The following RBM33 variants were observed in gnomAD, a reference collection of about 807,000 sequenced individuals.
RBM33 encodes RNA-binding protein 33.
RBM33 carries 28 observed loss-of-function variants against 132.6 expected under a neutral mutation model. The ratio of observed to expected loss-of-function variants is 0.21; its 90% CI spans 0.16 to 0.29. The LOEUF (loss-of-function observed/expected upper bound fraction) is 0.29. RBM33 is among the 10% of genes least tolerant of loss of function. The pLI, the probability that RBM33 is intolerant of heterozygous loss-of-function variation, is 1.00. For missense variants in RBM33, 1,291 were observed against 1,518.5 expected, an observed-to-expected ratio of 0.85 and a Z score of 2.49; for synonymous variants, 634 against 593.0, an observed-to-expected ratio of 1.07 and a Z score of -1.01.
rs1421586760 is a variant in RBM33, at chr7:155,661,146, A to ATATATTTTTT, written c.44-4028_44-4027insATATTTTTTT. Reference sequence around the variant, plus strand: ...TGTGTGTGTGTATATATATATATATATTTTTTTTTTTTTGAGACAGAGTCT... The same window carrying ATATATTTTTT: ...TGTGTGTGTGTATATATATATATATATATATTTTTTTTTTTTTTTTTTTGAGACAGAGTCT... On this transcript the variant is annotated intron_variant, in intron 1 of 17. Coordinates refer to ENST00000401878, the MANE Select transcript of RBM33 (RefSeq NM_053043.3). 8.0e-3 allele frequency among the ~76,000 whole-genome samples: 651 copies of ATATATTTTTT among 81,060 alleles called. 26 individuals are homozygous for ATATATTTTTT. Among genetic ancestry groups the ATATATTTTTT allele is most frequent in the Non-Finnish European group, 0.012 (458 of 39,016 alleles). The allele number at this position is 81,060 out of a possible 152,430, so 53.2% of individuals were successfully genotyped here. A position where few individuals can be genotyped will look rare whatever the true frequency, so the allele number is the denominator to read the frequency against.
chr7:155,678,469 A>G (rs1799246836), intron 3 of RBM33, 139 bp from the exon 4 acceptor site: 3 of 567,990 alleles, frequency 5.3e-6, no homozygotes, highest in South Asian at 2.3e-5. Context: ...TTGATTATCC[A>G]CTGGTGACCA....
chr7:155,680,009 A>G (rs1271454095), intron 4 of RBM33, among the ~76,000 whole-genome samples: 2 of 152,330 alleles, frequency 1.3e-5, no homozygotes, highest in East Asian at 3.9e-4. Flanking sequence ...GATATTTGTG[A>G]CTAATATAAA....
At chr7:155,737,719 CCAAA>C (rs1801176858) in intron 10 of RBM33, 57 bp downstream of exon 10, 3 of 1,469,886 alleles carry the variant, frequency 2.0e-6, no homozygotes, top group African/African-American at 1.4e-5. Flanking sequence ...GGTGATGTGC[CCAAA>C]CACATTTATT....
rs770197939 is a variant in RBM33, at chr7:155,745,213, G to A, written c.2590G>A (p.Ala864Thr). 1 of 1,612,376 alleles carries A rather than the reference G, an allele frequency of 6.2e-7. No homozygotes were observed. Among genetic ancestry groups the A allele is most frequent in the East Asian group, 2.2e-5 (1 of 44,878 alleles). Residue 864 changes from alanine (A) to threonine (T), a missense_variant, in exon 14 of 18, where the codon GCA becomes ACA. Ala to Thr is a moderately conservative substitution (Grantham distance 58, BLOSUM62 0). Coordinates refer to ENST00000401878, the MANE Select transcript of RBM33 (RefSeq NM_053043.3). The surrounding 1 kb of genome is among the most constrained non-coding windows in gnomAD (Gnocchi z 4.1). ...TAACCCACTGTTGCCCTTTCCAGGT[G>A]CACAGGTCAGACAAAATGTGAAGAA... ...NGNPLLPFPG[A>T]QVRQNVKNRL...
chr7:155,645,151 T>C, intron 1 of RBM33: 1 of 441,980 alleles, frequency 2.3e-6, no homozygotes, highest in South Asian at 3.8e-5. Flanking sequence ...CTGTGTGTCC[T>C]CTACTTTGCA....
intron 1 of RBM33, among the ~76,000 whole-genome samples, chr7:155,652,217 CAAACTTT>C (rs1190879799): frequency 6.6e-6 from 1 of 152,176 alleles, no homozygotes; most frequent in Non-Finnish European, 1.5e-5. Context: ...CAAAGGTCAG[CAAACTTT>C]TTCTGTAAAG....
intron 7 of RBM33, among the ~76,000 whole-genome samples, chr7:155,709,528 T>A (rs1800215851): frequency 6.6e-6 from 1 of 152,222 alleles, no homozygotes; most frequent in African/African-American, 2.4e-5. Flanking sequence ...ATCTCCCAAC[T>A]GTCCCTGTAC....
At chr7:155,724,990 T>TTTTTTTTTTTTGTG (rs71186056) in intron 9 of RBM33, among the ~76,000 whole-genome samples, 2 of 123,290 alleles carry the variant, frequency 1.6e-5, no homozygotes, top group African/African-American at 6.7e-5. Context: ...GTGTACAGGT[T>TTTTTTTTTTTTGTG]TGTGTGTGTG....
At position 155,766,472 on chromosome 7, in the gene RBM33, C is replaced by G; in HGVS notation, c.3192C>G (p.Ile1064Met). Residue 1064 changes from isoleucine to methionine, a missense_variant, in exon 16 of 18, where the codon ATC becomes ATG. By Grantham distance (10) the Ile-to-Met change is conservative (BLOSUM62 1). This residue lies in a region of RBM33 where 841 missense variants were observed against 912.0 expected (regional missense o/e 0.92). Coordinates refer to ENST00000401878, the MANE Select transcript of RBM33 (RefSeq NM_053043.3). ...ATTTCCTTTGTTGTCACCAGGCCAT[C>G]ATGCACGGACGAGGCAGAGGAGTGG... is the stretch of plus-strand genomic sequence containing the variant. Reference protein sequence around the residue: ...IQGIHPAKKAIMHGRGRGVAG... With the variant: ...IQGIHPAKKAMMHGRGRGVAG... 6.2e-7 allele frequency: 1 copy of G among 1,613,302 alleles called. No homozygotes were observed.
At chr7:155,668,796 A>G (rs527689411) in intron 2 of RBM33, among the ~76,000 whole-genome samples, 2 of 152,268 alleles carry the variant, frequency 1.3e-5, no homozygotes, top group African/African-American at 4.8e-5. Context: ...ATAGATTTAA[A>G]TGTTGGTTGT....
chr7:155,716,542 A>G (rs1477192493), intron 8 of RBM33, among the ~76,000 whole-genome samples: 2 of 152,034 alleles, frequency 1.3e-5, no homozygotes, highest in African/African-American at 4.8e-5. Context: ...CAAGTTTCTA[A>G]GTGGTACCTA....
chr7:155,735,640 A>G (rs1223483005), intron 9 of RBM33, among the ~76,000 whole-genome samples: 1 of 151,840 alleles, frequency 6.6e-6, no homozygotes, highest in South Asian at 2.1e-4. Flanking sequence ...TGAGGCTACA[A>G]TGAGCTGATT....
chr7:155,766,536 C>A lies in RBM33; in HGVS notation c.3256C>A (p.Gln1086Lys), dbSNP rs1296067281. The change falls in exon 16 of 18, where the codon CAG becomes AAG. Residue 1086 changes from glutamine (Q) to lysine (K), a missense_variant. By Grantham distance (53) the Gln-to-Lys change is moderately conservative. This residue lies in a region of RBM33 where 841 missense variants were observed against 912.0 expected (regional missense o/e 0.92). Transcript: ENST00000401878. ...CCGGGGGCGCCTGATGCCAAACAAG[C>A]AGAACCTGCGGGTGGTGGAGTGCAA... is the stretch of plus-strand genomic sequence containing the variant. Reference protein sequence around the residue: ...MGRGRLMPNKQNLRVVECKPQ... With the variant: ...MGRGRLMPNKKNLRVVECKPQ... The A allele has an allele frequency of 6.2e-7, 1 of 1,613,786 alleles. No homozygotes were observed. The highest frequency in any genetic ancestry group is 8.5e-7 in the Non-Finnish European group (1 of 1,179,866).
At chr7:155,661,882 T>C (rs1051131268) in intron 1 of RBM33, among the ~76,000 whole-genome samples, 11 of 152,206 alleles carry the variant, frequency 7.2e-5, no homozygotes, top group Non-Finnish European at 1.6e-4. Flanking sequence ...TGCTTTTTGT[T>C]GTCGTTGGAT....
At chr7:155,713,689 C>G (rs1800374379) in intron 8 of RBM33, among the ~76,000 whole-genome samples, 1 of 152,168 alleles carries the variant, frequency 6.6e-6, no homozygotes, top group Admixed American at 6.5e-5. Flanking sequence ...TATTGACAGA[C>G]TTTGACTGTG....
intron 13 of RBM33, among the ~76,000 whole-genome samples, chr7:155,744,317 A>C (rs953561105): frequency 4.6e-5 from 7 of 152,230 alleles, no homozygotes; most frequent in African/African-American, 1.7e-4. Context: ...GAGTTTTTCA[A>C]AGATTTTTTT....
intron 16 of RBM33, among the ~76,000 whole-genome samples, chr7:155,772,408 A>T (rs1336935210): frequency 2.6e-5 from 4 of 152,242 alleles, no homozygotes; most frequent in Non-Finnish European, 5.9e-5. Context: ...TGTTTCAGTG[A>T]CTGAGTATCA....
intron 9 of RBM33, among the ~76,000 whole-genome samples, chr7:155,732,581 T>C (rs867919390): frequency 6.6e-6 from 1 of 152,230 alleles, no homozygotes; most frequent in Admixed American, 6.5e-5. Flanking sequence ...TGTTCCTATA[T>C]TTAAATGAAA....
At position 155,644,840 on chromosome 7, in the gene RBM33, T is replaced by TG; in HGVS notation, c.-35dup. 6.8e-7 allele frequency: 1 copy of TG among 1,463,560 alleles called. No homozygotes were observed. The highest frequency in any genetic ancestry group is 9.0e-7 in the Non-Finnish European group (1 of 1,110,810). 90.7% of individuals were successfully genotyped at this position (1,463,560 alleles called of 1,614,324 possible). A position where few individuals can be genotyped will look rare whatever the true frequency, so the allele number is the denominator to read the frequency against. On this transcript the variant is annotated 5_prime_UTR_variant, in exon 1 of 18. Coordinates refer to ENST00000401878, the MANE Select transcript of RBM33 (RefSeq NM_053043.3). ...AGGCACGTCGGCCCACCAGCTGGCT[T>TG]GGTGGGGGAGGCTGAAGGCCGGGCC...
Sources: allele counts gnomAD v4.1 joint callset (sites outside exome capture counted in the v4.1 genomes callset), GRCh38; gene constraint gnomAD v4.1.1; regional missense constraint gnomAD v4.1.1; non-coding constraint Gnocchi (gnomAD v3.1); transcripts MANE v1.5; gene names NCBI Gene and HGNC (gene_info 2026-07-23, HGNC 2026-07-21).